SLC44A5: variants seen among roughly 807,000 people sequenced by gnomAD.
SLC44A5 encodes choline transporter-like protein 5.
In SLC44A5, 57 loss-of-function variants were observed where a neutral mutation model predicts 101.8. That is an observed-to-expected ratio of 0.56 (90% CI 0.45 to 0.70). The LOEUF is 0.70. SLC44A5 is among the 30% of genes least tolerant of loss of function. The pLI, the probability that SLC44A5 is intolerant of heterozygous loss-of-function variation, is 0.00. For synonymous variants in SLC44A5, 281 were observed against 290.9 expected (o/e 0.97, Z 0.35); for missense variants, 737 against 853.1 (o/e 0.86, Z 1.70).
At position 75,230,977 on chromosome 1, in the gene SLC44A5, T is replaced by C. The variant is rs35973540; in HGVS notation, c.853+3009A>G. 1.0e-2 allele frequency among the ~76,000 whole-genome samples: 1,521 copies of C among 152,352 alleles called. 14 individuals carry two copies. The highest frequency in any genetic ancestry group is 0.014 in the Middle Eastern group (4 of 294). ...CTTGGAGACCTCAATCTCATGTTTA[T>C]AGTATCCACTGATTTTCACACAGAA... On this transcript the variant is annotated intron_variant, in intron 12 of 23. Transcript: ENST00000370859.
At chr1:75,590,048 A>G (rs12239439) in intron 1 of SLC44A5, among the ~76,000 whole-genome samples, 1 of 151,920 alleles carries the variant, frequency 6.6e-6, no homozygotes, top group Non-Finnish European at 1.5e-5. Context: ...GCCCAGAGAC[A>G]GTGGATTAGG....
At chr1:75,289,308 A>G (rs1158914089) in intron 5 of SLC44A5, among the ~76,000 whole-genome samples, 2 of 152,218 alleles carry the variant, frequency 1.3e-5, no homozygotes. Context: ...GCAAATCTCT[A>G]TTAGAGAGTC....
chr1:75,407,424 C>T (rs1429045337), intron 2 of SLC44A5, among the ~76,000 whole-genome samples: 2 of 152,230 alleles, frequency 1.3e-5, no homozygotes, highest in African/African-American at 4.8e-5. Context: ...ACAAAAAGAA[C>T]AAAGCTGGAG....
the SLC44A5 span, among the ~76,000 whole-genome samples, chr1:75,677,505 T>G: frequency 6.6e-6 from 1 of 151,952 alleles, no homozygotes; most frequent in South Asian, 2.1e-4. Context: ...AAAAGCAATA[T>G]GTTAAAACAT....
chr1:75,353,933 A>T lies in SLC44A5; in HGVS notation c.53-14303T>A, dbSNP rs1023304251. On this transcript the variant is annotated intron_variant, in intron 3 of 23. Transcript: ENST00000370859. ...GGTTCAAAAACAGTAATATGGGGTA[A>T]GGTAGAACCTATTCTCAACACTTTC... 1.1e-5 allele frequency: 3 copies of T among 273,786 alleles called. No homozygotes were observed. In the East Asian group the frequency reaches 3.5e-4, roughly 32 times the overall value. 17.0% of individuals were successfully genotyped at this position (273,786 alleles called of 1,614,324 possible).
intron 4 of SLC44A5, among the ~76,000 whole-genome samples, chr1:75,302,187 T>A (rs868700652): frequency 5.0e-5 from 7 of 139,352 alleles, no homozygotes; most frequent in Middle Eastern, 4.0e-3. Flanking sequence ...GCAGGGTATC[T>A]GTTTCACCTG....
At chr1:75,307,827 A>G (rs991431582) in intron 4 of SLC44A5, among the ~76,000 whole-genome samples, 1 of 152,214 alleles carries the variant, frequency 6.6e-6, no homozygotes, top group African/African-American at 2.4e-5. Flanking sequence ...AGATTTTATT[A>G]GAAGGCAAGT....
At chr1:75,315,524 A>G (rs906579934) in intron 4 of SLC44A5, among the ~76,000 whole-genome samples, 3 of 151,996 alleles carry the variant, frequency 2.0e-5, no homozygotes, top group East Asian at 3.9e-4. Context: ...ACCCTCTCAC[A>G]TGCACTGTCT....
chr1:75,633,709 T>C, the SLC44A5 span, among the ~76,000 whole-genome samples: 3 of 151,802 alleles, frequency 2.0e-5, no homozygotes, highest in Non-Finnish European at 4.4e-5. Context: ...GAATACCCTT[T>C]ATTTCCTTCT....
At chr1:75,599,843 AC>A (rs1399133128) in intron 1 of SLC44A5, among the ~76,000 whole-genome samples, 1 of 152,126 alleles carries the variant, frequency 6.6e-6, no homozygotes, top group Non-Finnish European at 1.5e-5. Context: ...TGGGAAATGA[AC>A]CTGGAAGGGT....
chr1:75,248,760 G>A (rs1040383247), intron 7 of SLC44A5, among the ~76,000 whole-genome samples: 24 of 152,118 alleles, frequency 1.6e-4, no homozygotes, highest in African/African-American at 5.6e-4. Flanking sequence ...TTTTCTCCAA[G>A]AACACACAGC....
intron 4 of SLC44A5, among the ~76,000 whole-genome samples, chr1:75,328,007 G>A (rs1193546117): frequency 6.6e-6 from 1 of 152,144 alleles, no homozygotes; most frequent in Non-Finnish European, 1.5e-5. Flanking sequence ...CGTCCCTAGG[G>A]TCCTAGTTCA....
At chr1:75,405,228 G>A (rs1662770235) in intron 2 of SLC44A5, among the ~76,000 whole-genome samples, 1 of 152,136 alleles carries the variant, frequency 6.6e-6, no homozygotes, top group South Asian at 2.1e-4. Flanking sequence ...GACCTACAAA[G>A]AGACTTAGAC....
chr1:75,273,148 G>T (rs904450222), intron 6 of SLC44A5, among the ~76,000 whole-genome samples: 1 of 151,942 alleles, frequency 6.6e-6, no homozygotes, highest in Admixed American at 6.6e-5. Flanking sequence ...TGCAGATGTT[G>T]TGAAAGGAAT....
At chr1:75,284,909 G>C (rs1473689084) in intron 5 of SLC44A5, among the ~76,000 whole-genome samples, 1 of 152,062 alleles carries the variant, frequency 6.6e-6, no homozygotes, top group Non-Finnish European at 1.5e-5. Context: ...GATTCAGTTA[G>C]TCAGTGTTTT....
the SLC44A5 span, among the ~76,000 whole-genome samples, chr1:75,619,366 C>T: frequency 3.9e-5 from 6 of 151,972 alleles, no homozygotes; most frequent in African/African-American, 1.5e-4. Context: ...TTATGCAGTG[C>T]GTTGCTGTAT....
chr1:75,426,965 C>T (rs1015931893), intron 2 of SLC44A5, among the ~76,000 whole-genome samples: 5 of 152,214 alleles, frequency 3.3e-5, no homozygotes, highest in Non-Finnish European at 5.9e-5. Context: ...ATGATATTGG[C>T]TGTGTTTCTA....
the SLC44A5 span, among the ~76,000 whole-genome samples, chr1:75,623,527 A>G: frequency 2.0e-5 from 3 of 151,886 alleles, no homozygotes; most frequent in African/African-American, 7.3e-5. Context: ...TGTGTATACT[A>G]TTGTACTGAT....
intron 1 of SLC44A5, among the ~76,000 whole-genome samples, chr1:75,578,339 C>T (rs1673490062): frequency 6.6e-6 from 1 of 152,074 alleles, no homozygotes; most frequent in African/African-American, 2.4e-5. Context: ...AAACATCTAA[C>T]ACACCAATAT....
Sources: gnomAD v4.1 joint callset for allele counts (sites outside exome capture counted in the v4.1 genomes callset) on GRCh38, gnomAD v4.1.1 for gene constraint, MANE v1.5 for transcripts, NCBI Gene and HGNC (gene_info 2026-07-23, HGNC 2026-07-21) for gene names.